The following CIT variants were observed in gnomAD, a reference collection of about 807,000 sequenced individuals.
CIT encodes citron Rho-interacting kinase.
Under a neutral mutation model 272.7 loss-of-function variants are expected in CIT, and 79 were observed. That is an observed-to-expected ratio of 0.29 (90% confidence interval 0.24 to 0.35). CIT has a LOEUF of 0.35. CIT is among the 10% of genes least tolerant of loss of function. CIT has a pLI of 1.00. For synonymous variants in CIT, 948 were observed against 995.6 expected (o/e 0.95, Z 0.90); for missense variants, 1,909 against 2,618.3 (o/e 0.73, Z 5.91).
chr12:119,782,436 T>C, intron 13 of CIT, 82 bp downstream of exon 13: 5 of 1,516,336 alleles, frequency 3.3e-6, no homozygotes, highest in Non-Finnish European at 3.6e-6. Flanking sequence ...TTCTTCCTAT[T>C]TCTCTCTCAA....
chr12:119,821,289 C>T (rs1427320728), intron 9 of CIT, among the ~76,000 whole-genome samples: 1 of 150,986 alleles, frequency 6.6e-6, no homozygotes, highest in African/African-American at 2.4e-5. Flanking sequence ...GAGCAAAACT[C>T]CGTCTCAAAA....
At chr12:119,870,940 G>A (rs1388146121) in intron 2 of CIT, among the ~76,000 whole-genome samples, 2 of 152,052 alleles carry the variant, frequency 1.3e-5, no homozygotes, top group African/African-American at 4.8e-5. Flanking sequence ...CCAACGTGGT[G>A]AAACCCCATC....
intron 37 of CIT, chr12:119,711,060 C>G: frequency 7.3e-7 from 1 of 1,367,188 alleles, no homozygotes; most frequent in Non-Finnish European, 9.8e-7. Context: ...TGAACCCAGG[C>G]AGGCAGAAGC....
chr12:119,773,455 G>A (rs1963403607), intron 16 of CIT, among the ~76,000 whole-genome samples: 1 of 151,588 alleles, frequency 6.6e-6, no homozygotes, highest in Non-Finnish European at 1.5e-5. Context: ...TTTTTGAGAC[G>A]GAGTTTTGCT....
intron 44 of CIT, among the ~76,000 whole-genome samples, chr12:119,700,497 C>T (rs1301178128): frequency 1.3e-5 from 2 of 152,180 alleles, no homozygotes; most frequent in Admixed American, 6.5e-5. Flanking sequence ...ATTCTCCTGC[C>T]TCAGCTTCCT....
chr12:119,803,483 C>A (rs1379951236), intron 9 of CIT, 94 bp from the exon 10 acceptor site: 4 of 915,192 alleles, frequency 4.4e-6, no homozygotes, highest in East Asian at 2.8e-5. Flanking sequence ...ACTCCTTCGG[C>A]GCTGGCGATG....
At chr12:119,846,811 A>G (rs1969837429) in intron 5 of CIT, among the ~76,000 whole-genome samples, 2 of 152,052 alleles carry the variant, frequency 1.3e-5, no homozygotes, top group Admixed American at 1.3e-4. Context: ...AAGGTGAAGC[A>G]GGAGAATCAC....
At chr12:119,847,928 C>T (rs1452956895) in intron 5 of CIT, among the ~76,000 whole-genome samples, 1 of 152,100 alleles carries the variant, frequency 6.6e-6, no homozygotes, top group Non-Finnish European at 1.5e-5. Context: ...AATTAAAAGT[C>T]TGTTAATACA....
chr12:119,785,002 G>T lies in CIT; in HGVS notation c.1359C>A (p.Ile453=), dbSNP rs376066522. The T allele has an allele frequency of 4.3e-6, 7 of 1,614,166 alleles. No homozygotes were observed. Among genetic ancestry groups the T allele is most frequent in the Non-Finnish European group, 5.1e-6 (6 of 1,180,042 alleles). ...GAGAGTCTTGTAGCTCTTTGCTTTT[G>T]ATGAGAAGTTTCTTTTCCATGGAGC... ...KTSSMEKKLL[I]KSKELQDSQD... Residue 453 remains isoleucine, a synonymous_variant, in exon 11 of 48, where the codon ATC becomes ATA. Coordinates refer to ENST00000392521, the MANE Select transcript of CIT (RefSeq NM_001206999.2).
intron 5 of CIT, among the ~76,000 whole-genome samples, chr12:119,839,723 C>G (rs965245640): frequency 2.0e-5 from 3 of 151,974 alleles, no homozygotes; most frequent in African/African-American, 7.3e-5. Flanking sequence ...AGACAGGACA[C>G]GCAAAACAGG....
intron 21 of CIT, among the ~76,000 whole-genome samples, chr12:119,758,257 C>T (rs1166711498): frequency 6.6e-6 from 1 of 152,208 alleles, no homozygotes; most frequent in African/African-American, 2.4e-5. Context: ...CCCAACTGGG[C>T]ACACACAATT....
intron 40 of CIT, 124 bp from the exon 41 acceptor site, chr12:119,704,579 G>A (rs1214332077): frequency 2.4e-6 from 2 of 820,580 alleles, no homozygotes; most frequent in South Asian, 1.6e-5. Context: ...CTGTGTGGTG[G>A]GGGGAGGGCT....
At chr12:119,824,117 T>C (rs1967964370) in intron 8 of CIT, among the ~76,000 whole-genome samples, 1 of 27,448 alleles carries the variant, frequency 3.6e-5, no homozygotes, top group Non-Finnish European at 5.9e-5. Flanking sequence ...TGTATATATA[T>C]ATATATATAT....
At position 119,814,794 on chromosome 12, in the gene CIT, T is replaced by C. The variant is rs144734981; in HGVS notation, c.1111+8026A>G. Among the ~76,000 whole-genome samples, 18 of 152,154 alleles carry C rather than the reference T, an allele frequency of 1.2e-4. No homozygotes were observed. In the East Asian group the frequency reaches 3.3e-3, roughly 28 times the overall value. ...CATCACGCCTGTAATCCCAGCACTT[T>C]GGGAGGCCGAGGCGGGCGGATTACC... On this transcript the variant is annotated intron_variant, in intron 9 of 47. Coordinates refer to ENST00000392521, the MANE Select transcript of CIT (RefSeq NM_001206999.2).
chr12:119,799,515 C>A (rs1195668124), intron 10 of CIT, among the ~76,000 whole-genome samples: 1 of 152,108 alleles, frequency 6.6e-6, no homozygotes, highest in African/African-American at 2.4e-5. Context: ...TGCCTGGATC[C>A]ATCGCTGTGT....
chr12:119,741,765 C>A (rs1054525388), intron 24 of CIT, among the ~76,000 whole-genome samples: 2 of 152,114 alleles, frequency 1.3e-5, no homozygotes, highest in Admixed American at 6.5e-5. Context: ...TGAAAGGGGC[C>A]TATTTCAGTT....
chr12:119,713,322 A>T lies in CIT; in HGVS notation c.4488-28T>A. The T allele has an allele frequency of 6.2e-7, 1 of 1,607,312 alleles. No individual in the cohort carries two copies. The highest frequency in any genetic ancestry group is 8.5e-7 in the Non-Finnish European group (1 of 1,174,530). ...GGGGAAAGAAAGATGGAAAAGAAAA[A>T]TGTCTGAACTCAGAAGAAACATCCG... On this transcript the variant is annotated intron_variant, in intron 34 of 47. Transcript: ENST00000392521. This position sits in a 1 kb window ranked among gnomAD's most constrained non-coding sequence, Gnocchi z 5.2.
At chr12:119,771,053 A>G in intron 17 of CIT, 143 bp from the exon 18 acceptor site, 1 of 903,550 alleles carries the variant, frequency 1.1e-6, no homozygotes, top group South Asian at 1.8e-5. Flanking sequence ...AGCAGAGAAA[A>G]TAAGATTCTA....
intron 40 of CIT, among the ~76,000 whole-genome samples, chr12:119,706,204 G>A (rs1956872451): frequency 6.6e-6 from 1 of 152,088 alleles, no homozygotes; most frequent in African/African-American, 2.4e-5. Context: ...GTAGCCTCAG[G>A]GGGTCTATAA....
Sources: gnomAD v4.1 joint callset for allele counts (sites outside exome capture counted in the v4.1 genomes callset) on GRCh38, gnomAD v4.1.1 for gene constraint, Gnocchi (gnomAD v3.1) non-coding constraint, MANE v1.5 for transcripts, NCBI Gene and HGNC (gene_info 2026-07-23, HGNC 2026-07-21) for gene names.